The following UNC5D variants were observed in gnomAD, a reference collection of about 807,000 sequenced individuals.
UNC5D encodes the protein unc-5 netrin receptor D.
In UNC5D, 39 loss-of-function variants were observed where a neutral mutation model predicts 105.4. The ratio of observed to expected loss-of-function variants is 0.37; its 90% CI spans 0.29 to 0.48. UNC5D has a LOEUF of 0.48. Among genes scored for constraint, UNC5D ranks in the 20% least tolerant of loss-of-function variants. UNC5D has a pLI of 0.98. For synonymous variants in UNC5D, 452 were observed against 450.4 expected (o/e 1.00, Z -0.04); for missense variants, 991 against 1,202.4 (o/e 0.82, Z 2.60).
rs10110486 is a variant in UNC5D, at chr8:35,601,193, G to A, written c.570+5536G>A. On this transcript the variant is annotated intron_variant, in intron 4 of 16. Transcript: ENST00000404895. ...TTGGTACCAGTACCATGCTGTTTTG[G>A]TTACTGTAGCCTTGTAGTATAGTTT... Among the ~76,000 whole-genome samples, 955 of 152,202 alleles carry A rather than the reference G, an allele frequency of 6.3e-3. 7 individuals carry two copies. The highest frequency in any genetic ancestry group is 0.021 in the African/African-American group (853 of 41,526).
chr8:35,382,844 CTT>C (rs1460607087), intron 1 of UNC5D, among the ~76,000 whole-genome samples: 1 of 152,108 alleles, frequency 6.6e-6, no homozygotes, highest in Non-Finnish European at 1.5e-5. Flanking sequence ...GTATGTTTCA[CTT>C]TTACATCCTT....
chr8:35,324,507 T>C (rs555236037), intron 1 of UNC5D, among the ~76,000 whole-genome samples: 1 of 152,224 alleles, frequency 6.6e-6, no homozygotes, highest in African/African-American at 2.4e-5. Context: ...CAAAATGTGG[T>C]GCAAATGTAG....
chr8:35,305,657 C>G (rs1808337640), intron 1 of UNC5D, among the ~76,000 whole-genome samples: 1 of 124,626 alleles, frequency 8.0e-6, no homozygotes, highest in Admixed American at 8.3e-5. Context: ...TCTTTCTTTT[C>G]TTTCTCTTTT....
intron 1 of UNC5D, among the ~76,000 whole-genome samples, chr8:35,396,092 A>G (rs919272474): frequency 2.6e-5 from 4 of 152,184 alleles, no homozygotes; most frequent in Non-Finnish European, 2.9e-5. Context: ...CCCTCAAGGC[A>G]TAACCCTGAG....
chr8:35,409,365 G>A (rs1805010245), intron 1 of UNC5D, among the ~76,000 whole-genome samples: 1 of 152,078 alleles, frequency 6.6e-6, no homozygotes, highest in Non-Finnish European at 1.5e-5. Context: ...CAGTGGATGA[G>A]AGCTCCAGTG....
chr8:35,553,268 C>A (rs1359237180), intron 2 of UNC5D, among the ~76,000 whole-genome samples: 4 of 151,926 alleles, frequency 2.6e-5, no homozygotes. Flanking sequence ...ATTCCCCTAG[C>A]ATTGCTAGGC....
intron 1 of UNC5D, among the ~76,000 whole-genome samples, chr8:35,391,247 C>T (rs1228318381): frequency 6.6e-6 from 1 of 152,106 alleles, no homozygotes; most frequent in East Asian, 1.9e-4. Context: ...CGTGTACTTT[C>T]CCAAAAAAGA....
Position 35,793,966 on chromosome 8 carries a change from A to G in UNC5D, c.*3403A>G, listed in dbSNP as rs1586657905. 6.6e-6 allele frequency: 1 copy of G among 152,160 alleles called. No individual in the cohort carries two copies. The highest frequency in any genetic ancestry group is 2.1e-4 in the South Asian group (1 of 4,830). The allele number at this position is 152,160 out of a possible 1,614,324, so 9.4% of individuals were successfully genotyped here. A position where few individuals can be genotyped will look rare whatever the true frequency, so the allele number is the denominator to read the frequency against. On this transcript the variant is annotated 3_prime_UTR_variant, in exon 17 of 17. Coordinates refer to ENST00000404895, the MANE Select transcript of UNC5D (RefSeq NM_080872.4). ...GGAGGGGATGTTAAGTCAAATCACT[A>G]AAACAGGGTTCTCTTTGGATTAAAA...
At chr8:35,740,630 T>C (rs1264195368) in intron 11 of UNC5D, among the ~76,000 whole-genome samples, 1 of 152,206 alleles carries the variant, frequency 6.6e-6, no homozygotes, top group African/African-American at 2.4e-5. Context: ...TTAGTGTCTA[T>C]GAGTGCAGTC....
At chr8:35,565,264 T>C (rs1817257096) in intron 2 of UNC5D, among the ~76,000 whole-genome samples, 1 of 152,194 alleles carries the variant, frequency 6.6e-6, no homozygotes, top group Admixed American at 6.5e-5. Context: ...TTTTTTGACT[T>C]TTTAATAATG....
At chr8:35,663,450 G>A (rs2131242987) in intron 4 of UNC5D, among the ~76,000 whole-genome samples, 1 of 152,310 alleles carries the variant, frequency 6.6e-6, no homozygotes, top group East Asian at 1.9e-4. Flanking sequence ...TTGACAGTTT[G>A]AGCCTTCTGG....
intron 1 of UNC5D, among the ~76,000 whole-genome samples, chr8:35,259,462 G>A (rs1219356789): frequency 6.6e-6 from 1 of 152,186 alleles, no homozygotes; most frequent in Non-Finnish European, 1.5e-5. Flanking sequence ...GATTTGAGCT[G>A]AGGCTGCTGC....
Position 35,437,304 on chromosome 8 carries a change from GTGTTAC to G in UNC5D, c.104-111987_104-111982del, listed in dbSNP as rs1807082324. Reference sequence around the variant, plus strand: ...ATTATTGACTTCTTGATTTTTCAATGTGTTACATTTCCTCTCCAGCATGGAATGAGT... The same window carrying G: ...ATTATTGACTTCTTGATTTTTCAATGATTTCCTCTCCAGCATGGAATGAGT... On this transcript the variant is annotated intron_variant, in intron 1 of 16. Coordinates refer to ENST00000404895, the MANE Select transcript of UNC5D (RefSeq NM_080872.4). Among the ~76,000 whole-genome samples, 3 of 151,858 alleles carry G rather than the reference GTGTTAC, an allele frequency of 2.0e-5. No individual in the cohort carries two copies. In the East Asian group the frequency reaches 5.8e-4, roughly 29 times the overall value.
At chr8:35,307,434 C>A (rs1808508331) in intron 1 of UNC5D, among the ~76,000 whole-genome samples, 1 of 152,108 alleles carries the variant, frequency 6.6e-6, no homozygotes. Flanking sequence ...TTAGTCTAAG[C>A]AGCAGATATT....
intron 11 of UNC5D, among the ~76,000 whole-genome samples, chr8:35,738,270 T>C (rs78850666): frequency 0.013 from 2,037 of 152,310 alleles, 33 homozygotes; most frequent in African/African-American, 0.046. Flanking sequence ...TTTTATCATC[T>C]ACCAGTTTTA....
chr8:35,743,793 ATTT>A (rs1028487732), intron 11 of UNC5D, among the ~76,000 whole-genome samples: 1 of 152,042 alleles, frequency 6.6e-6, no homozygotes, highest in African/African-American at 2.4e-5. Context: ...GCATATGTGT[ATTT>A]TTTAACCGCT....
chr8:35,465,315 C>T (rs531424474), intron 1 of UNC5D, among the ~76,000 whole-genome samples: 1 of 152,324 alleles, frequency 6.6e-6, no homozygotes, highest in East Asian at 1.9e-4. Flanking sequence ...CCACATGTGC[C>T]TGGCATGTCA....
chr8:35,392,238 C>A (rs535816527), intron 1 of UNC5D, among the ~76,000 whole-genome samples: 6 of 152,256 alleles, frequency 3.9e-5, no homozygotes, highest in Admixed American at 3.9e-4. Flanking sequence ...GAGTCAGTAT[C>A]TCTGTCACCC....
At chr8:35,425,608 C>A (rs977202118) in intron 1 of UNC5D, among the ~76,000 whole-genome samples, 1 of 152,148 alleles carries the variant, frequency 6.6e-6, no homozygotes, top group African/African-American at 2.4e-5. Flanking sequence ...TTGACTTGCT[C>A]AAGGACAATG....
Sources: gnomAD v4.1 joint callset for allele counts (sites outside exome capture counted in the v4.1 genomes callset) on GRCh38, gnomAD v4.1.1 for gene constraint, MANE v1.5 for transcripts, NCBI Gene and HGNC (gene_info 2026-07-23, HGNC 2026-07-21) for gene names.